Variants in MMD2 observed in about 807,000 individuals in gnomAD.
MMD2 encodes monocyte to macrophage differentiation associated 2.
In MMD2, 30 loss-of-function variants were observed where a neutral mutation model predicts 33.5. That is an observed-to-expected ratio of 0.90 (90% CI 0.67 to 1.22). MMD2 has a LOEUF of 1.22. Among genes scored for constraint, MMD2 ranks in the 50% most tolerant of loss-of-function variants. The pLI is 0.00. For missense variants in MMD2, 364 were observed against 325.4 expected (o/e 1.12, Z -0.91); for synonymous variants, 129 against 123.0 (o/e 1.05, Z -0.32).
intron 1 of MMD2, among the ~76,000 whole-genome samples, chr7:4,936,185 C>CAA (rs61343659): frequency 2.4e-5 from 2 of 84,092 alleles, no homozygotes; most frequent in African/African-American, 7.7e-5. Context: ...AACTCTGTCT[C>CAA]AAAAAAAAAA....
At chr7:4,929,726 T>C (rs1456248762) in intron 1 of MMD2, among the ~76,000 whole-genome samples, 1 of 152,036 alleles carries the variant, frequency 6.6e-6, no homozygotes, top group African/African-American at 2.4e-5. Flanking sequence ...GTTTTCACTA[T>C]GTTGGCCAGG....
chr7:4,945,185 T>TTTATTCTTCTTCTTCTTCTTCTTC (rs1554273336), intron 1 of MMD2, among the ~76,000 whole-genome samples: 7 of 93,540 alleles, frequency 7.5e-5, no homozygotes, highest in African/African-American at 2.8e-4. Flanking sequence ...CCTCTTCCTC[T>TTTATTCTTCTTCTTCTTCTTCTTC]TTCTTCTTCT....
rs568393544 is a variant in MMD2 at position 4,935,433 on chromosome 7, G to A, written c.48-9901C>T. Among the ~76,000 whole-genome samples the A allele has an allele frequency of 3.3e-5, 5 of 152,030 alleles. No homozygotes were observed. The South Asian group carries it at 1.0e-3, about 32-fold the overall frequency. On this transcript the variant is annotated intron_variant, in intron 1 of 6. Transcript: ENST00000401401. ...GGTCTGGGGTAAAGCCTGGATATTG[G>A]CATGCTTAGAAGTTTCTTTATTATT...
chr7:4,943,112 C>T (rs1444075494), intron 1 of MMD2, among the ~76,000 whole-genome samples: 1 of 149,158 alleles, frequency 6.7e-6, no homozygotes. Context: ...TGGGTTCAAG[C>T]GATTCTCCTG....
At chr7:4,935,821 T>C (rs114620806) in intron 1 of MMD2, among the ~76,000 whole-genome samples, 79 of 152,162 alleles carry the variant, frequency 5.2e-4, no homozygotes, top group African/African-American at 1.9e-3. Flanking sequence ...ACTAGGGAAA[T>C]TGGAGAAAGG....
intron 6 of MMD2, among the ~76,000 whole-genome samples, chr7:4,908,657 T>TG (rs1392865098): frequency 6.6e-6 from 1 of 151,700 alleles, no homozygotes; most frequent in Admixed American, 6.6e-5. Context: ...CCCAGCACTT[T>TG]GGAGGCTAAG....
chr7:4,917,445 T>A (rs1429079340), intron 3 of MMD2, among the ~76,000 whole-genome samples: 1 of 152,086 alleles, frequency 6.6e-6, no homozygotes, highest in Non-Finnish European at 1.5e-5. Flanking sequence ...GTGGATCACC[T>A]AAGGTCAGGA....
At chr7:4,927,582 C>G (rs1487514348) in intron 1 of MMD2, among the ~76,000 whole-genome samples, 1 of 152,020 alleles carries the variant, frequency 6.6e-6, no homozygotes, top group Non-Finnish European at 1.5e-5. Context: ...TGCCACAGGC[C>G]TGTAATCGCA....
the MMD2 span, among the ~76,000 whole-genome samples, chr7:4,893,472 A>T: frequency 6.6e-6 from 1 of 150,958 alleles, no homozygotes; most frequent in African/African-American, 2.4e-5. Context: ...TCTCACTGCA[A>T]CCTCCACCTC....
intron 1 of MMD2, among the ~76,000 whole-genome samples, chr7:4,952,048 T>C (rs976477873): frequency 6.6e-6 from 1 of 152,200 alleles, no homozygotes; most frequent in African/African-American, 2.4e-5. Flanking sequence ...AACAAGGTTT[T>C]TGAGTGCATC....
chr7:4,916,234 A>G (rs1050179711), intron 3 of MMD2, among the ~76,000 whole-genome samples, 155 bp from the exon 4 acceptor site: 8 of 151,590 alleles, frequency 5.3e-5, no homozygotes, highest in Admixed American at 1.3e-4. Flanking sequence ...CAGAATCCCC[A>G]TCTGTAAGTG....
chr7:4,945,240 C>CTTCTTCT (rs1491481447), intron 1 of MMD2, among the ~76,000 whole-genome samples: 190 of 16,574 alleles, frequency 0.011, 2 homozygotes, highest in Admixed American at 0.023. Flanking sequence ...CTTCTTCTTC[C>CTTCTTCT]TCTCTCTCTT....
chr7:4,926,084 G>C (rs569065509), intron 1 of MMD2, among the ~76,000 whole-genome samples: 1 of 151,972 alleles, frequency 6.6e-6, no homozygotes, highest in South Asian at 2.1e-4. Flanking sequence ...GGGATTACAG[G>C]CGTGAGATAC....
At chr7:4,911,424 A>C (rs1785005046) in intron 4 of MMD2, among the ~76,000 whole-genome samples, 178 bp from the exon 5 acceptor site, 1 of 152,182 alleles carries the variant, frequency 6.6e-6, no homozygotes, top group African/African-American at 2.4e-5. Context: ...GTGCTAGATA[A>C]CTTGAAACAG....
rs1337996897 is a variant in MMD2, at chr7:4,940,526, G to A, written c.48-14994C>T. ...TCCCACAGAGGCAAGGGACCACGCA[G>A]GGCCAAGTTGGCCCCGGCCGTGCTA... On this transcript the variant is annotated intron_variant, in intron 1 of 6. Transcript: ENST00000401401. The surrounding 1 kb of genome is among the most constrained non-coding windows in gnomAD (Gnocchi z 5.0). Among the ~76,000 whole-genome samples, 1 of 152,200 alleles carries A rather than the reference G, an allele frequency of 6.6e-6. No homozygotes were observed. The highest frequency in any genetic ancestry group is 1.5e-5 in the Non-Finnish European group (1 of 68,030).
At chr7:4,912,917 T>A (rs1220071627) in intron 4 of MMD2, among the ~76,000 whole-genome samples, 2 of 152,136 alleles carry the variant, frequency 1.3e-5, no homozygotes, top group Non-Finnish European at 2.9e-5. Flanking sequence ...TTGGCCAGGC[T>A]GGTCTCAAAC....
chr7:4,953,558 C>T (rs1322969813), intron 1 of MMD2, among the ~76,000 whole-genome samples: 1 of 151,068 alleles, frequency 6.6e-6, no homozygotes, highest in Non-Finnish European at 1.5e-5. Flanking sequence ...GCAACCTCTG[C>T]CTCCCAAGTT....
chr7:4,895,630 G>A, the MMD2 span, among the ~76,000 whole-genome samples: 40 of 152,098 alleles, frequency 2.6e-4, 1 homozygote, highest in East Asian at 7.4e-3. Context: ...TCCATCTCCC[G>A]GGTTCAAACA....
At chr7:4,953,271 T>C (rs1472970264) in intron 1 of MMD2, among the ~76,000 whole-genome samples, 1 of 151,778 alleles carries the variant, frequency 6.6e-6, no homozygotes, top group Non-Finnish European at 1.5e-5. Flanking sequence ...ATTGTCTTGG[T>C]CAGCACCGCC....
Sources: gnomAD v4.1 joint callset for allele counts (sites outside exome capture counted in the v4.1 genomes callset) on GRCh38, gnomAD v4.1.1 for gene constraint, Gnocchi (gnomAD v3.1) non-coding constraint, MANE v1.5 for transcripts, NCBI Gene and HGNC (gene_info 2026-07-23, HGNC 2026-07-21) for gene names.